The following HIVEP3 variants were observed in gnomAD, a reference collection of about 807,000 sequenced individuals.
The protein encoded by HIVEP3 is HIVEP zinc finger 3.
HIVEP3 carries 49 observed loss-of-function variants against 152.8 expected under a neutral mutation model. That is an observed-to-expected ratio of 0.32 (90% CI 0.26 to 0.41). The LOEUF (loss-of-function observed/expected upper bound fraction) is 0.41. HIVEP3 is among the 10% of genes least tolerant of loss of function. The pLI, the probability that HIVEP3 is intolerant of heterozygous loss-of-function variation, is 1.00. For synonymous variants in HIVEP3, 1,269 were observed against 1,289.0 expected (o/e 0.98, Z 0.33); for missense variants, 2,790 against 3,103.3 (o/e 0.90, Z 2.40).
intron 3 of HIVEP3, among the ~76,000 whole-genome samples, chr1:41,593,191 T>C (rs763507656): frequency 8.5e-4 from 129 of 152,302 alleles, no homozygotes; most frequent in Admixed American, 1.6e-3. Flanking sequence ...TGCAGAATTG[T>C]ACCATCCTTG....
At chr1:42,035,443 C>T (rs1039822160) in intron 1 of HIVEP3, among the ~76,000 whole-genome samples, 1 of 152,260 alleles carries the variant, frequency 6.6e-6, no homozygotes, top group African/African-American at 2.4e-5. Flanking sequence ...GAAACTTTCC[C>T]GGCCCCCGCT....
intron 2 of HIVEP3, among the ~76,000 whole-genome samples, chr1:41,684,158 C>A (rs957354193): frequency 6.6e-6 from 1 of 152,118 alleles, no homozygotes; most frequent in South Asian, 2.1e-4. Flanking sequence ...GACAGGGGTG[C>A]GGGAGGACCC....
At chr1:41,791,227 C>T (rs1649675893) in intron 1 of HIVEP3, among the ~76,000 whole-genome samples, 1 of 152,144 alleles carries the variant, frequency 6.6e-6, no homozygotes, top group African/African-American at 2.4e-5. Context: ...GGCTCCTTTG[C>T]ACCTGCATAT....
chr1:41,809,736 G>A (rs1478579353), intron 1 of HIVEP3, among the ~76,000 whole-genome samples: 1 of 152,118 alleles, frequency 6.6e-6, no homozygotes, highest in Non-Finnish European at 1.5e-5. Flanking sequence ...GTTGACTGTG[G>A]GTGCAGATCC....
At chr1:42,013,033 T>G (rs1645502328) in intron 1 of HIVEP3, among the ~76,000 whole-genome samples, 1 of 152,114 alleles carries the variant, frequency 6.6e-6, no homozygotes, top group Non-Finnish European at 1.5e-5. Context: ...CAACAAAAAT[T>G]TATTGTCTAC....
chr1:42,007,286 A>C (rs1376711448), intron 1 of HIVEP3, among the ~76,000 whole-genome samples: 2 of 152,188 alleles, frequency 1.3e-5, no homozygotes, highest in Admixed American at 6.6e-5. Flanking sequence ...CATGAGGCTC[A>C]CTGCAGTTCT....
At chr1:41,545,107 C>T (rs1643711373) in intron 5 of HIVEP3, among the ~76,000 whole-genome samples, 1 of 139,110 alleles carries the variant, frequency 7.2e-6, no homozygotes, top group African/African-American at 2.8e-5. Flanking sequence ...ACCATCACCA[C>T]CACCACCACT....
chr1:41,774,349 G>C (rs185249886), intron 1 of HIVEP3, among the ~76,000 whole-genome samples: 7 of 152,304 alleles, frequency 4.6e-5, no homozygotes, highest in Admixed American at 4.6e-4. Context: ...TATAGCACAA[G>C]CTGACTGATG....
At chr1:41,813,952 C>T (rs1235883445) in intron 1 of HIVEP3, among the ~76,000 whole-genome samples, 1 of 152,178 alleles carries the variant, frequency 6.6e-6, no homozygotes, top group Non-Finnish European at 1.5e-5. Context: ...GGCTCTGATG[C>T]CTTCCTGTAG....
At chr1:41,714,422 A>G (rs941065206) in intron 1 of HIVEP3, among the ~76,000 whole-genome samples, 1 of 152,212 alleles carries the variant, frequency 6.6e-6, no homozygotes, top group African/African-American at 2.4e-5. Flanking sequence ...GAAATCTATG[A>G]GGCAGATACT....
chr1:41,957,304 C>T (rs1391401965), intron 1 of HIVEP3, among the ~76,000 whole-genome samples: 1 of 152,164 alleles, frequency 6.6e-6, no homozygotes, highest in East Asian at 1.9e-4. Context: ...TGTTACTATA[C>T]TCATCCTGAT....
intron 5 of HIVEP3, among the ~76,000 whole-genome samples, chr1:41,536,969 A>T (rs922757780): frequency 6.6e-6 from 1 of 152,180 alleles, no homozygotes; most frequent in Admixed American, 6.5e-5. Context: ...TCTGTTTTTT[A>T]AAAAACACTG....
At chr1:41,823,113 CTA>C (rs1407840921) in intron 1 of HIVEP3, among the ~76,000 whole-genome samples, 3 of 152,188 alleles carry the variant, frequency 2.0e-5, no homozygotes, top group Admixed American at 2.0e-4. Context: ...AAGGAGATCT[CTA>C]TCTTTTTCCA....
At chr1:41,936,504 T>A (rs1645021128) in intron 1 of HIVEP3, among the ~76,000 whole-genome samples, 1 of 152,236 alleles carries the variant, frequency 6.6e-6, no homozygotes, top group South Asian at 2.1e-4. Flanking sequence ...AGTTCCATTA[T>A]GTTTGGTCTA....
At chr1:41,717,725 G>A (rs1054420525) in intron 1 of HIVEP3, among the ~76,000 whole-genome samples, 2 of 152,342 alleles carry the variant, frequency 1.3e-5, no homozygotes, top group Non-Finnish European at 1.5e-5. Context: ...ATCAGTGGCT[G>A]AGCAGGACCA....
In HIVEP3 at chr1:41,524,915, G is replaced by T; in HGVS notation, c.5208-5C>A. On this transcript the variant is annotated splice_region_variant and splice_polypyrimidine_tract_variant and intron_variant, in intron 5 of 8. Coordinates refer to ENST00000372583, the MANE Select transcript of HIVEP3 (RefSeq NM_024503.5). ...TACTCTTCGTTTGATTTGTACCTAT[G>T]AGCAACAGGCGTCATAGTAAAGGGA... 3.1e-6 allele frequency: 5 copies of T among 1,611,216 alleles called. No individual in the cohort carries two copies. The highest frequency in any genetic ancestry group is 4.2e-6 in the Non-Finnish European group (5 of 1,177,966).
chr1:41,993,637 A>G (rs1645376932), intron 1 of HIVEP3, among the ~76,000 whole-genome samples: 1 of 152,214 alleles, frequency 6.6e-6, no homozygotes, highest in Non-Finnish European at 1.5e-5. Flanking sequence ...TGACCCAGCC[A>G]TCCCATTACT....
intron 2 of HIVEP3, among the ~76,000 whole-genome samples, chr1:41,634,343 A>C (rs1570166154): frequency 2.0e-5 from 3 of 152,330 alleles, no homozygotes; most frequent in East Asian, 3.9e-4. Flanking sequence ...AAATCTGTGT[A>C]AAAACTAACC....
chr1:41,619,481 C>T (rs1645015925), intron 3 of HIVEP3, among the ~76,000 whole-genome samples: 1 of 152,214 alleles, frequency 6.6e-6, no homozygotes. Context: ...ATATGTTTGT[C>T]TATTTCCCTA....
Sources: allele counts gnomAD v4.1 joint callset (sites outside exome capture counted in the v4.1 genomes callset), GRCh38; gene constraint gnomAD v4.1.1; transcripts MANE v1.5; gene names NCBI Gene and HGNC (gene_info 2026-07-23, HGNC 2026-07-21).